NGLY1: variants seen among roughly 807,000 people sequenced by gnomAD.
NGLY1 encodes the protein N-glycanase 1.
Under a neutral mutation model 84.6 loss-of-function variants are expected in NGLY1, and 68 were observed. The observed-to-expected ratio is 0.80, with a 90% CI of 0.66 to 0.98. The LOEUF (loss-of-function observed/expected upper bound fraction) is 0.98, where lower values mean the gene tolerates loss of function less well. NGLY1 is among the 50% of genes least tolerant of loss of function. The probability of loss-of-function intolerance (pLI) is 0.00; values close to 1 mark genes in which losing one functional copy is unlikely to be tolerated. For synonymous variants in NGLY1, 280 were observed against 275.2 expected (o/e 1.02, Z -0.17); for missense variants, 779 against 770.2 (o/e 1.01, Z -0.14).
At chr3:25,751,724 A>G (rs528368038) in intron 3 of NGLY1, among the ~76,000 whole-genome samples, 4 of 152,326 alleles carry the variant, frequency 2.6e-5, no homozygotes, top group African/African-American at 9.6e-5. Flanking sequence ...GATGAAAAGT[A>G]AAAAAAGTTT....
chr3:25,732,934 T>C (rs920523959), intron 8 of NGLY1, among the ~76,000 whole-genome samples: 3 of 152,168 alleles, frequency 2.0e-5, no homozygotes, highest in African/African-American at 7.2e-5. Flanking sequence ...AAGAAAAGAA[T>C]TGAGGTGAAG....
Position 25,775,414 on chromosome 3 carries a change from A to T in NGLY1, c.246+3160T>A, listed in dbSNP as rs1708110804. Among the ~76,000 whole-genome samples, 3 of 152,372 alleles carry T rather than the reference A, an allele frequency of 2.0e-5. No individual in the cohort carries two copies. The East Asian group carries it at 5.8e-4, about 29-fold the overall frequency. On this transcript the variant is annotated intron_variant, in intron 2 of 11. Coordinates refer to ENST00000280700, the MANE Select transcript of NGLY1 (RefSeq NM_018297.4). ...TTGTCCATCAATAGATGAATGGATA[A>T]AGAATATGTGGTATCTATACACAAC...
chr3:25,745,068 TAA>T (rs1350791566), intron 4 of NGLY1, among the ~76,000 whole-genome samples: 2 of 152,208 alleles, frequency 1.3e-5, no homozygotes, highest in Admixed American at 6.5e-5. Flanking sequence ...TTTCACTATA[TAA>T]GTTTCCTTCA....
At chr3:25,730,038 T>C (rs1575612753) in intron 9 of NGLY1, 1 of 152,260 alleles carries the variant, frequency 6.6e-6, no homozygotes. Flanking sequence ...CCTTTCCTAG[T>C]TCCCTAAGCT....
chr3:25,739,542 G>A, intron 5 of NGLY1, 35 bp downstream of exon 5: 1 of 1,574,942 alleles, frequency 6.3e-7, no homozygotes, highest in Non-Finnish European at 8.7e-7. Context: ...ATTTCATTAA[G>A]AGATTATTCT....
At chr3:25,789,757 A>T in intron 1 of NGLY1, 1 of 1,312,920 alleles carries the variant, frequency 7.6e-7, no homozygotes, top group Non-Finnish European at 1.1e-6. Context: ...ATTCTTTCTT[A>T]CAATTCCAGT....
intron 11 of NGLY1, among the ~76,000 whole-genome samples, 168 bp downstream of exon 11, chr3:25,719,846 C>T (rs1043980728): frequency 2.0e-5 from 3 of 151,078 alleles, no homozygotes; most frequent in Admixed American, 6.6e-5. Context: ...AAACATCAGC[C>T]TTTCTGTTAC....
intron 11 of NGLY1, among the ~76,000 whole-genome samples, 155 bp from the exon 12 acceptor site, chr3:25,719,790 G>A (rs1419262666): frequency 1.3e-5 from 2 of 151,704 alleles, no homozygotes; most frequent in Non-Finnish European, 2.9e-5. Flanking sequence ...TGCATCCTTT[G>A]AAACAAAGAA....
At position 25,757,487 on chromosome 3, in the gene NGLY1, G is replaced by C. The variant is rs191621608; in HGVS notation, c.493-6224C>G. Among the ~76,000 whole-genome samples, 96 of 152,270 alleles carry C rather than the reference G, an allele frequency of 6.3e-4. 1 individual carries two copies. The East Asian group carries it at 0.018, about 28-fold the overall frequency. On this transcript the variant is annotated intron_variant, in intron 3 of 11. Coordinates refer to ENST00000280700, the MANE Select transcript of NGLY1 (RefSeq NM_018297.4). ...CAAAACTGTATAATACTATATGACT[G>C]TAAGGAAATATTAATGTATTTGTTC...
intron 4 of NGLY1, among the ~76,000 whole-genome samples, chr3:25,750,616 T>C (rs2125511144): frequency 6.6e-6 from 1 of 152,074 alleles, no homozygotes; most frequent in Non-Finnish European, 1.5e-5. Context: ...TAAAAATGGG[T>C]AAGATGGTAA....
intron 4 of NGLY1, among the ~76,000 whole-genome samples, chr3:25,742,622 A>G (rs1559539590): frequency 6.6e-6 from 1 of 152,214 alleles, no homozygotes; most frequent in Non-Finnish European, 1.5e-5. Context: ...CATTAAAAAC[A>G]AAGTTTTAGA....
chr3:25,787,797 T>A (rs1708637122), upstream of NGLY1, among the ~76,000 whole-genome samples: 1 of 152,262 alleles, frequency 6.6e-6, no homozygotes, highest in Non-Finnish European at 1.5e-5. Context: ...CTCATGCGTT[T>A]ACTGTTGCTT....
At chr3:25,786,007 A>G (rs1708594496), upstream of NGLY1, among the ~76,000 whole-genome samples, 1 of 152,198 alleles carries the variant, frequency 6.6e-6, no homozygotes, top group Non-Finnish European at 1.5e-5. Flanking sequence ...TTGGTTAATC[A>G]CTCAATGTAG....
rs896436144 is a variant in NGLY1, at chr3:25,783,402, A to C, written c.-12T>G. 6.6e-7 allele frequency: 1 copy of C among 1,524,558 alleles called. No individual in the cohort carries two copies. The highest frequency in any genetic ancestry group is 1.2e-5 in the South Asian group (1 of 83,128). 94.4% of individuals were successfully genotyped at this position (1,524,558 alleles called of 1,614,324 possible). A position where few individuals can be genotyped will look rare whatever the true frequency, so the allele number is the denominator to read the frequency against. ...GCCGCCGCCGCCATGCTTGAGCGCC[A>C]GCGGGCGCCGCCGCCGCCCCTCGCT... On this transcript the variant is annotated 5_prime_UTR_variant, in exon 1 of 12. Coordinates refer to ENST00000280700, the MANE Select transcript of NGLY1 (RefSeq NM_018297.4). The surrounding 1 kb of genome is among the most constrained non-coding windows in gnomAD (Gnocchi z 4.5).
chr3:25,749,679 A>G (rs890368727), intron 4 of NGLY1: 2 of 1,575,036 alleles, frequency 1.3e-6, no homozygotes, highest in Middle Eastern at 1.7e-4. Context: ...GGGAGCAACA[A>G]AAAAACAAAG....
At position 25,771,834 on chromosome 3, in the gene NGLY1, C is replaced by A. The variant is rs1052421522; in HGVS notation, c.246+6740G>T. 2.6e-5 allele frequency among the ~76,000 whole-genome samples: 4 copies of A among 151,976 alleles called. 1 individual carries two copies. The highest frequency in any genetic ancestry group is 7.3e-5 in the African/African-American group (3 of 41,374). On this transcript the variant is annotated intron_variant, in intron 2 of 11. Coordinates refer to ENST00000280700, the MANE Select transcript of NGLY1 (RefSeq NM_018297.4). The stretch of plus-strand genomic sequence containing the variant: ...TTGAGTTCTTGATTCTCAGCTTGGT[C>A]GCTGTTGGTGTAGAAATAGTGCTAC...
At chr3:25,775,430 T>G (rs1413607158) in intron 2 of NGLY1, among the ~76,000 whole-genome samples, 1 of 152,236 alleles carries the variant, frequency 6.6e-6, no homozygotes, top group Non-Finnish European at 1.5e-5. Flanking sequence ...ATGTGGTATC[T>G]ATACACAACG....
chr3:25,768,890 A>G (rs916705052), intron 2 of NGLY1, among the ~76,000 whole-genome samples: 1 of 152,108 alleles, frequency 6.6e-6, no homozygotes, highest in African/African-American at 2.4e-5. Flanking sequence ...AAAATTGACA[A>G]AAGGTATCAC....
At chr3:25,735,655 A>G (rs973242296) in intron 7 of NGLY1, 1 of 169,344 alleles carries the variant, frequency 5.9e-6, no homozygotes, top group Non-Finnish European at 1.3e-5. Context: ...TATATCTACC[A>G]TATAATGCAG....
Sources: allele counts gnomAD v4.1 joint callset (sites outside exome capture counted in the v4.1 genomes callset), GRCh38; gene constraint gnomAD v4.1.1; non-coding constraint Gnocchi (gnomAD v3.1); transcripts MANE v1.5; gene names NCBI Gene and HGNC (gene_info 2026-07-23, HGNC 2026-07-21).